The following HEMK2 variants were observed in gnomAD, a reference collection of about 807,000 sequenced individuals.
HEMK2 encodes HemK methyltransferase 2, ETF1 glutamine and histone H4 lysine.
the HEMK2 span, among the ~76,000 whole-genome samples, chr21:28,648,507 G>GA: frequency 6.6e-6 from 1 of 152,074 alleles, no homozygotes; most frequent in African/African-American, 2.4e-5. Flanking sequence ...CACTAAACTT[G>GA]GTGCCTCTCA....
chr21:28,804,206 A>G, the HEMK2 span, among the ~76,000 whole-genome samples: 1 of 152,222 alleles, frequency 6.6e-6, no homozygotes, highest in Non-Finnish European at 1.5e-5. Flanking sequence ...CATCTCTTCT[A>G]GAATCAGGAA....
chr21:28,872,388 A>G, the HEMK2 span: 3 of 152,064 alleles, frequency 2.0e-5, no homozygotes, highest in African/African-American at 7.2e-5. Context: ...AGCCACATTG[A>G]TTTATTTCCC....
At chr21:28,659,234 T>C in the HEMK2 span, among the ~76,000 whole-genome samples, 1 of 152,078 alleles carries the variant, frequency 6.6e-6, no homozygotes, top group South Asian at 2.1e-4. Flanking sequence ...TTTGGAAAAT[T>C]TGAAAAGCCT....
At chr21:28,791,902 A>C in the HEMK2 span, among the ~76,000 whole-genome samples, 1 of 152,184 alleles carries the variant, frequency 6.6e-6, no homozygotes, top group Non-Finnish European at 1.5e-5. Context: ...CACAAGATAC[A>C]GGTCATAAAG....
chr21:28,591,412 G>A, the HEMK2 span, among the ~76,000 whole-genome samples: 3 of 152,106 alleles, frequency 2.0e-5, no homozygotes, highest in Admixed American at 2.0e-4. Context: ...CAGTGATAAT[G>A]ATGAACAAGG....
chr21:28,769,793 G>A, the HEMK2 span, among the ~76,000 whole-genome samples: 1 of 152,116 alleles, frequency 6.6e-6, no homozygotes, highest in Non-Finnish European at 1.5e-5. Context: ...TAGCTGTCCA[G>A]TTCCCAGGAC....
At chr21:28,613,240 T>C in the HEMK2 span, among the ~76,000 whole-genome samples, 1 of 151,782 alleles carries the variant, frequency 6.6e-6, no homozygotes, top group African/African-American at 2.4e-5. Context: ...AACCACAGAG[T>C]GGCTTGTATA....
At chr21:28,681,135 T>C in the HEMK2 span, among the ~76,000 whole-genome samples, 3 of 152,216 alleles carry the variant, frequency 2.0e-5, no homozygotes, top group African/African-American at 7.2e-5. Flanking sequence ...GATGACATAA[T>C]TGTATATCTA....
the HEMK2 span, chr21:28,874,614 G>A: frequency 1.3e-5 from 2 of 152,282 alleles, no homozygotes; most frequent in Non-Finnish European, 2.9e-5. Context: ...TGTGGCTGGA[G>A]AAAGAGGCCT....
chr21:28,754,158 G>A, the HEMK2 span, among the ~76,000 whole-genome samples: 238 of 152,294 alleles, frequency 1.6e-3, 3 homozygotes, highest in African/African-American at 5.5e-3. Context: ...GGGCCCCCTC[G>A]CACAGTTGAG....
the HEMK2 span, among the ~76,000 whole-genome samples, chr21:28,593,802 A>C: frequency 0.2 from 30,097 of 152,196 alleles, 3,120 homozygotes; most frequent in African/African-American, 0.24. Flanking sequence ...TGGCTACATA[A>C]GTAAATAAAT....
At chr21:28,634,691 C>A in the HEMK2 span, among the ~76,000 whole-genome samples, 3 of 152,108 alleles carry the variant, frequency 2.0e-5, no homozygotes, top group Admixed American at 6.6e-5. Flanking sequence ...GTTATATGAA[C>A]TTAGACAATT....
chr21:28,810,072 C>T, the HEMK2 span, among the ~76,000 whole-genome samples: 9 of 152,260 alleles, frequency 5.9e-5, no homozygotes, highest in East Asian at 1.7e-3. Flanking sequence ...TCCGTAGATT[C>T]CCTCAGCCCA....
chr21:28,588,865 C>T, the HEMK2 span, among the ~76,000 whole-genome samples: 1 of 151,778 alleles, frequency 6.6e-6, no homozygotes, highest in African/African-American at 2.4e-5. Flanking sequence ...CACCTGTAGT[C>T]CCAGCTACTC....
the HEMK2 span, among the ~76,000 whole-genome samples, chr21:28,855,062 T>C: frequency 7.2e-5 from 11 of 152,030 alleles, no homozygotes; most frequent in African/African-American, 2.4e-4. Flanking sequence ...TTAAAAGGCA[T>C]AAAGTGGCAA....
At chr21:28,679,006 C>T in the HEMK2 span, among the ~76,000 whole-genome samples, 21 of 152,182 alleles carry the variant, frequency 1.4e-4, no homozygotes, top group Non-Finnish European at 1.8e-4. Flanking sequence ...AAATAACCAG[C>T]TAACATCATA....
At chr21:28,834,220 T>G in the HEMK2 span, among the ~76,000 whole-genome samples, 1 of 152,312 alleles carries the variant, frequency 6.6e-6, no homozygotes, top group Non-Finnish European at 1.5e-5. Flanking sequence ...TTGTGAATTT[T>G]AGCTCCAGAT....
chr21:28,746,670 T>A, the HEMK2 span, among the ~76,000 whole-genome samples: 190 of 57,226 alleles, frequency 3.3e-3, 2 homozygotes, highest in African/African-American at 8.2e-3. Flanking sequence ...GTAGGGCCAA[T>A]CTAAAAAAAA....
the HEMK2 span, among the ~76,000 whole-genome samples, chr21:28,824,813 G>A: frequency 3.9e-5 from 6 of 152,122 alleles, no homozygotes; most frequent in Non-Finnish European, 7.3e-5. Flanking sequence ...ATATCCTAAA[G>A]GGTCAATAAT....
Sources: allele counts gnomAD v4.1 joint callset (sites outside exome capture counted in the v4.1 genomes callset), GRCh38; gene constraint gnomAD v4.1.1; transcripts MANE v1.5; gene names NCBI Gene and HGNC (gene_info 2026-07-23, HGNC 2026-07-21).